RNASEH2B: variants seen among roughly 807,000 people sequenced by gnomAD.
RNASEH2B encodes the protein Aicardi-Goutieres syndrome 2 protein.
Under a neutral mutation model 45.0 loss-of-function variants are expected in RNASEH2B, and 36 were observed. The observed-to-expected ratio is 0.80, with a 90% confidence interval of 0.61 to 1.06. The LOEUF (loss-of-function observed/expected upper bound fraction) is 1.06. RNASEH2B is among the 50% of genes least tolerant of loss of function. The probability of loss-of-function intolerance (pLI) is 0.00; values close to 1 mark genes in which losing one functional copy is unlikely to be tolerated. For missense variants in RNASEH2B, 361 were observed against 360.3 expected (o/e 1.00, Z -0.02); for synonymous variants, 119 against 125.7 (o/e 0.95, Z 0.35).
chr13:50,954,048 T>A (rs1952011579), intron 10 of RNASEH2B, 63 bp downstream of exon 10: 3 of 978,624 alleles, frequency 3.1e-6, no homozygotes, highest in Middle Eastern at 2.0e-4. Flanking sequence ...CATGAATACA[T>A]GAGGAACAGT....
At chr13:50,961,917 G>A (rs9535538) in intron 9 of RNASEH2B, among the ~76,000 whole-genome samples, 32,294 of 151,954 alleles carry the variant, frequency 0.21, 3,874 homozygotes, top group African/African-American at 0.33. Context: ...ATCATATGTG[G>A]ATATTGTCAA....
exon 10 of RNASEH2B, chr13:50,970,067 T>G (rs998857409): frequency 1.7e-5 from 18 of 1,045,634 alleles, no homozygotes; most frequent in Middle Eastern, 2.0e-4. Context: ...AATCGCCAGG[T>G]GCCAAAAGGT....
rs146753588 is a variant in RNASEH2B at position 50,945,630 on chromosome 13, G to A, written c.616+98G>A. ...ATTTAAAAATCTTAATATCACAGAA[G>A]CCTCATATTCCTACCAATGCCTCAT... On this transcript the variant is annotated intron_variant, in intron 7 of 10. Coordinates refer to ENST00000336617, the MANE Select transcript of RNASEH2B (RefSeq NM_024570.4). 1.1e-4 allele frequency: 88 copies of A among 799,946 alleles called. No individual in the cohort carries two copies. In the East Asian group the frequency reaches 1.9e-3, roughly 17 times the overall value. The allele number at this position is 799,946 out of a possible 1,614,324, so 49.6% of individuals were successfully genotyped here.
intron 1 of RNASEH2B, chr13:50,911,773 A>C (rs1186290824): frequency 6.6e-6 from 1 of 152,234 alleles, no homozygotes; most frequent in Non-Finnish European, 1.5e-5. Flanking sequence ...TCGTCACATC[A>C]AGACAATTAG....
chr13:50,942,932 A>C (rs1010442985), intron 5 of RNASEH2B: 1 of 198,410 alleles, frequency 5.0e-6, no homozygotes, highest in South Asian at 8.8e-5. Flanking sequence ...CTGAATACAC[A>C]ATGTAGTCTG....
chr13:50,962,808 T>G (rs1952124282), intron 9 of RNASEH2B, among the ~76,000 whole-genome samples: 1 of 152,212 alleles, frequency 6.6e-6, no homozygotes, highest in Non-Finnish European at 1.5e-5. Context: ...GATGTGGTTT[T>G]CTTTTTGTTT....
intron 9 of RNASEH2B, chr13:50,951,892 A>G (rs1951980657): frequency 6.6e-6 from 1 of 152,190 alleles, no homozygotes; most frequent in South Asian, 2.1e-4. Flanking sequence ...GTTGTGAGCT[A>G]TTAAAACACC....
intron 4 of RNASEH2B, chr13:50,934,528 C>A (rs1360486579): frequency 6.1e-6 from 2 of 326,004 alleles, no homozygotes; most frequent in Non-Finnish European, 1.2e-5. Context: ...GCTCTGTGAC[C>A]ACAGCTGGTT....
In RNASEH2B at chr13:50,968,422, A is replaced by G. The variant is rs190317408; in HGVS notation, c.742-1510A>G. On this transcript the variant is annotated intron_variant, in intron 9 of 9. Transcript: ENST00000422660. ...CTCTTAAAAAAGTAAAATAAAATAA[A>G]TTAATCTTTACAACAACCCTCCAAG... Among the ~76,000 whole-genome samples, 37 of 152,176 alleles carry G rather than the reference A, an allele frequency of 2.4e-4. 1 individual carries two copies. The East Asian group carries it at 3.3e-3, about 14-fold the overall frequency.
intron 6 of RNASEH2B, among the ~76,000 whole-genome samples, chr13:50,945,008 G>A (rs902988684): frequency 6.6e-6 from 1 of 152,100 alleles, no homozygotes; most frequent in South Asian, 2.1e-4. Flanking sequence ...TATTGTAAGG[G>A]CTTTATTTAC....
At chr13:50,910,360 G>A (rs1470785066) in intron 1 of RNASEH2B, 1 of 390,862 alleles carries the variant, frequency 2.6e-6, no homozygotes, top group Non-Finnish European at 4.5e-6. Context: ...TGTTTCCCGG[G>A]CCCTGATCCC....
intron 2 of RNASEH2B, 140 bp from the exon 3 acceptor site, chr13:50,929,335 A>G (rs999049714): frequency 2.7e-5 from 18 of 665,716 alleles, no homozygotes; most frequent in Non-Finnish European, 4.3e-5. Context: ...CCTTGGAATC[A>G]GTTTTTTAGA....
chr13:50,967,853 T>C (rs1952180951), intron 9 of RNASEH2B, among the ~76,000 whole-genome samples: 1 of 152,228 alleles, frequency 6.6e-6, no homozygotes, highest in African/African-American at 2.4e-5. Flanking sequence ...AGCTATGTCA[T>C]AGTCAGATCT....
rs1028060532 is a variant in RNASEH2B, at chr13:50,909,955, G to A, written c.-122G>A. On this transcript the variant is annotated 5_prime_UTR_variant, in exon 1 of 11. Transcript: ENST00000336617. ...TCGGTCCCTGGGCCTCCTCCCGGGC[G>A]CTGCCGGTCCCTCAGCGCGCCGCGC... The A allele has an allele frequency of 2.7e-6, 2 of 743,864 alleles. No homozygotes were observed. Among genetic ancestry groups the A allele is most frequent in the South Asian group, 2.1e-5 (1 of 48,698 alleles). The allele number at this position is 743,864 out of a possible 1,614,324, so 46.1% of individuals were successfully genotyped here.
downstream of RNASEH2B, among the ~76,000 whole-genome samples, chr13:50,957,965 T>C (rs1215213532): frequency 4.6e-5 from 7 of 152,156 alleles, no homozygotes; most frequent in South Asian, 2.1e-4. Flanking sequence ...TTGTATCTTA[T>C]TGATTTGTGT....
chr13:50,926,616 G>A (rs1951600067), intron 1 of RNASEH2B, among the ~76,000 whole-genome samples: 1 of 151,992 alleles, frequency 6.6e-6, no homozygotes, highest in African/African-American at 2.4e-5. Context: ...GTCCAGATAG[G>A]TTAAAAATAT....
downstream of RNASEH2B, chr13:50,959,824 TA>T (rs1255352337): frequency 5.6e-5 from 10 of 178,958 alleles, no homozygotes; most frequent in Admixed American, 6.2e-4. Context: ...TGCTGTGAGG[TA>T]AAGCTGTAAT....
At chr13:50,934,672 G>A in intron 4 of RNASEH2B, 3 of 582,066 alleles carry the variant, frequency 5.2e-6, no homozygotes, top group Non-Finnish European at 9.2e-6. Flanking sequence ...GGTAGATGGT[G>A]TGCTGTGTGG....
At chr13:50,927,550 T>A in intron 2 of RNASEH2B, 72 bp downstream of exon 2, 1 of 961,382 alleles carries the variant, frequency 1.0e-6, no homozygotes, top group Non-Finnish European at 1.7e-6. Context: ...TTTATGTCTT[T>A]GTGTCCTTGC....
Sources: gnomAD v4.1 joint callset for allele counts (sites outside exome capture counted in the v4.1 genomes callset) on GRCh38, gnomAD v4.1.1 for gene constraint, MANE v1.5 for transcripts, NCBI Gene and HGNC (gene_info 2026-07-23, HGNC 2026-07-21) for gene names.